FOSL2: variants seen among roughly 807,000 people sequenced by gnomAD.
The protein encoded by FOSL2 is FOS like 2, AP-1 transcription factor subunit.
A neutral mutation model predicts 27.7 loss-of-function variants in FOSL2; 3 were observed. That is an observed-to-expected ratio of 0.11 (90% confidence interval 0.05 to 0.28). FOSL2 has a LOEUF of 0.28. Among genes scored for constraint, FOSL2 ranks in the 10% least tolerant of loss-of-function variants. FOSL2 has a pLI of 1.00. For missense variants in FOSL2, 333 were observed against 445.1 expected (o/e 0.75, Z 2.27); for synonymous variants, 179 against 190.1 (o/e 0.94, Z 0.48).
At chr2:28,407,982 C>G (rs1234011336) in intron 2 of FOSL2, among the ~76,000 whole-genome samples, 3 of 152,190 alleles carry the variant, frequency 2.0e-5, no homozygotes, top group Non-Finnish European at 2.9e-5. Flanking sequence ...ATCCCAAGCC[C>G]GTAGAACTTC....
At chr2:28,406,959 A>G (rs1179040589) in intron 2 of FOSL2, among the ~76,000 whole-genome samples, 1 of 152,142 alleles carries the variant, frequency 6.6e-6, no homozygotes, top group African/African-American at 2.4e-5. Flanking sequence ...GGGTGGGTAC[A>G]TGGTGCTGCT....
At chr2:28,407,478 G>A (rs996085221) in intron 2 of FOSL2, among the ~76,000 whole-genome samples, 1 of 152,232 alleles carries the variant, frequency 6.6e-6, no homozygotes, top group Non-Finnish European at 1.5e-5. Context: ...AGGGCTAAAG[G>A]GAGCATTGTG....
intron 2 of FOSL2, among the ~76,000 whole-genome samples, chr2:28,405,054 G>A (rs1011930639): frequency 3.3e-5 from 5 of 152,116 alleles, no homozygotes; most frequent in African/African-American, 1.2e-4. Context: ...GGGGAGGGAA[G>A]CCAGAAAATG....
rs1482156403 is a variant in FOSL2, at chr2:28,404,029, G to GCCT, written c.103-77_103-76insCTC. ...GTGCTCTGTGCTGGTTTTTGCCTCA[G>GCCT]CTCTGTTCAATTATTATTAACTATC... On this transcript the variant is annotated intron_variant, in intron 1 of 3. Transcript: ENST00000264716. This position sits in a 1 kb window ranked among gnomAD's most constrained non-coding sequence, Gnocchi z 4.7. 42 of 1,552,514 alleles carry GCCT rather than the reference G, an allele frequency of 2.7e-5. No homozygotes were observed. The highest frequency in any genetic ancestry group is 4.1e-5 in the African/African-American group (3 of 73,896).
chr2:28,393,180 C>CG lies in FOSL2; in HGVS notation c.-538dup, dbSNP rs1226268849. On this transcript the variant is annotated 5_prime_UTR_variant, in exon 1 of 4. Transcript: ENST00000264716. This position sits in a 1 kb window ranked among gnomAD's most constrained non-coding sequence, Gnocchi z 4.6. The stretch of plus-strand genomic sequence containing the variant: ...CAAGTATCCGAGCCGCCCCGAAACT[C>CG]GGGCGGCGAGTCGGCCACGGGAAGT... The CG allele has an allele frequency of 3.9e-6, 1 of 253,384 alleles. No homozygotes were observed. 15.7% of individuals were successfully genotyped at this position (253,384 alleles called of 1,614,324 possible). A position where few individuals can be genotyped will look rare whatever the true frequency, so the allele number is the denominator to read the frequency against.
Position 28,408,291 on chromosome 2 carries a change from A to G in FOSL2, c.355-468A>G, listed in dbSNP as rs975452205. 6.6e-6 allele frequency among the ~76,000 whole-genome samples: 1 copy of G among 152,176 alleles called. No homozygotes were observed. Among genetic ancestry groups the G allele is most frequent in the Admixed American group, 6.5e-5 (1 of 15,274 alleles). On this transcript the variant is annotated intron_variant, in intron 2 of 3. Coordinates refer to ENST00000264716, the MANE Select transcript of FOSL2 (RefSeq NM_005253.4). This position sits in a 1 kb window ranked among gnomAD's most constrained non-coding sequence, Gnocchi z 4.1. ...CCAGCTACTTAACAAAATGGGGATA[A>G]TGAGGCTTGCAGAGCAGGCAGAGTG...
At chr2:28,406,298 G>C (rs1321014441) in intron 2 of FOSL2, among the ~76,000 whole-genome samples, 1 of 152,066 alleles carries the variant, frequency 6.6e-6, no homozygotes, top group Non-Finnish European at 1.5e-5. Context: ...CTGACCTCAG[G>C]TGATCCACCC....
rs199613963 is a variant in FOSL2, at chr2:28,404,252, G to T, written c.248G>T (p.Ser83Ile). ...CCATACCCTCGCTCGCACCCCTACAGCCCCCTGCCGGGCCTGGCCTCTGTC... is the reference window on the plus strand; with the variant it reads ...CCATACCCTCGCTCGCACCCCTACATCCCCCTGCCGGGCCTGGCCTCTGTC... ...SNPYPRSHPY[S>I]PLPGLASVPG... Residue 83 changes from serine (S) to isoleucine (I), a missense_variant, in exon 2 of 4, where the codon AGC becomes ATC. Physicochemically the swap from Ser to Ile is moderately radical, Grantham distance 142. Transcript: ENST00000264716. This position sits in a 1 kb window ranked among gnomAD's most constrained non-coding sequence, Gnocchi z 4.7. 2.5e-6 allele frequency: 4 copies of T among 1,614,118 alleles called. No individual in the cohort carries two copies. In the East Asian group the frequency reaches 6.7e-5, roughly 27 times the overall value.
Position 28,404,286 on chromosome 2 carries a change from C to A in FOSL2, c.282C>A (p.His94Gln). 6.2e-7 allele frequency: 1 copy of A among 1,614,214 alleles called. No individual in the cohort carries two copies. Among genetic ancestry groups the A allele is most frequent in the Non-Finnish European group, 8.5e-7 (1 of 1,180,042 alleles). The part of the protein sequence containing the change: ...PLPGLASVPG[H>Q]MALPRPGVIK... ...CGGGCCTGGCCTCTGTCCCTGGACA[C>A]ATGGCCCTCCCAAGACCTGGCGTGA... Residue 94 changes from histidine (H) to glutamine (Q), a missense_variant, in exon 2 of 4, where the codon CAC (histidine) becomes CAA (glutamine). This residue lies in a region of FOSL2 where 131 missense variants were observed against 157.9 expected (regional missense o/e 0.83). Coordinates refer to ENST00000264716, the MANE Select transcript of FOSL2 (RefSeq NM_005253.4). The surrounding 1 kb of genome is among the most constrained non-coding windows in gnomAD (Gnocchi z 4.7).
At chr2:28,406,352 G>A (rs1035048651) in intron 2 of FOSL2, among the ~76,000 whole-genome samples, 8 of 152,284 alleles carry the variant, frequency 5.3e-5, no homozygotes, top group South Asian at 4.1e-4. Context: ...GTGAGCCACC[G>A]CGCCCGGCCA....
chr2:28,410,625 G>A, intron 3 of FOSL2: 3 of 771,572 alleles, frequency 3.9e-6, no homozygotes, highest in Non-Finnish European at 4.7e-6. Flanking sequence ...AACGTGGGGA[G>A]GAGGCTGGTG....
chr2:28,406,947 G>T (rs148962331), intron 2 of FOSL2, among the ~76,000 whole-genome samples: 1 of 152,184 alleles, frequency 6.6e-6, no homozygotes, highest in Non-Finnish European at 1.5e-5. Flanking sequence ...TGTGTGGCTT[G>T]TGGGTGGGTA....
chr2:28,405,723 C>T (rs1045345114), intron 2 of FOSL2, among the ~76,000 whole-genome samples: 1 of 131,570 alleles, frequency 7.6e-6, no homozygotes, highest in Non-Finnish European at 1.8e-5. Flanking sequence ...CGGTGCAGAG[C>T]CACTTGGGGA....
At position 28,395,005 on chromosome 2, in the gene FOSL2, C is replaced by T. The variant is rs555245741; in HGVS notation, c.102+1183C>T. Among the ~76,000 whole-genome samples the T allele has an allele frequency of 5.3e-4, 81 of 151,636 alleles. 1 individual carries two copies. Among genetic ancestry groups the T allele is most frequent in the South Asian group, 2.7e-3 (13 of 4,816 alleles). ...TCTCTTTTGGATCTGATGGGGGGGT[C>T]CCTTGTTCCAAAGTGATTCCCTATA... On this transcript the variant is annotated intron_variant, in intron 1 of 3. Coordinates refer to ENST00000264716, the MANE Select transcript of FOSL2 (RefSeq NM_005253.4).
At position 28,412,315 on chromosome 2, in the gene FOSL2, C is replaced by T; in HGVS notation, c.848C>T (p.Thr283Ile). 6.2e-7 allele frequency: 1 copy of T among 1,614,036 alleles called. No individual in the cohort carries two copies. Among genetic ancestry groups the T allele is most frequent in the Non-Finnish European group, 8.5e-7 (1 of 1,180,012 alleles). The change falls in exon 4 of 4, where the codon ACC becomes ATC. Residue 283 changes from threonine (T) to isoleucine (I), a missense_variant. Physicochemically the swap from Thr to Ile is moderately conservative, Grantham distance 89. Around this residue, in one of 4 missense-constraint regions of FOSL2, gnomAD observed 26 missense variants for 59.3 expected, o/e 0.44. Coordinates refer to ENST00000264716, the MANE Select transcript of FOSL2 (RefSeq NM_005253.4). The surrounding 1 kb of genome is among the most constrained non-coding windows in gnomAD (Gnocchi z 7.1). ...CCGGGCACCTCGAACCTCGTCTTCA[C>T]CTATCCTAGCGTCCTGGAGCAGGAG... ...VTPGTSNLVF[T>I]YPSVLEQESP...
intron 3 of FOSL2, 44 bp from the exon 4 acceptor site, chr2:28,411,886 C>T: frequency 6.2e-7 from 1 of 1,610,958 alleles, no homozygotes; most frequent in Non-Finnish European, 8.5e-7. Context: ...TAGATTGGTC[C>T]CTGGCAGGTT....
Position 28,412,145 on chromosome 2 carries a change from G to T in FOSL2, c.678G>T (p.Leu226=). ...CTGTAGTGGTGAAACAGGAGCCCCT[G>T]GAAGAGGACAGCCCCTCGTCCTCGT... ...VGAVVVKQEP[L]EEDSPSSSSA... is the part of the protein sequence containing the mutation. Residue 226 remains leucine, a synonymous_variant, in exon 4 of 4, where the codon CTG becomes CTT. Transcript: ENST00000264716. This position sits in a 1 kb window ranked among gnomAD's most constrained non-coding sequence, Gnocchi z 7.1. The T allele has an allele frequency of 6.2e-7, 1 of 1,606,794 alleles. No individual in the cohort carries two copies. Among genetic ancestry groups the T allele is most frequent in the Non-Finnish European group, 8.5e-7 (1 of 1,176,672 alleles).
chr2:28,407,069 A>G (rs939995392), intron 2 of FOSL2, among the ~76,000 whole-genome samples: 2 of 152,184 alleles, frequency 1.3e-5, no homozygotes, highest in Admixed American at 1.3e-4. Flanking sequence ...GTCAGGGGAG[A>G]GACTTCTAGG....
rs572214482 is a variant in FOSL2 at position 28,409,275 on chromosome 2, C to T, written c.462+409C>T. On this transcript the variant is annotated intron_variant, in intron 3 of 3. Coordinates refer to ENST00000264716, the MANE Select transcript of FOSL2 (RefSeq NM_005253.4). Reference sequence around the variant, plus strand: ...AGGTTCCAGCCACTCCCATGCCTGCCGCCATCAGGAGTGGCCCAGCCTGGC... The same window carrying T: ...AGGTTCCAGCCACTCCCATGCCTGCTGCCATCAGGAGTGGCCCAGCCTGGC... Among the ~76,000 whole-genome samples the T allele has an allele frequency of 7.9e-5, 12 of 152,230 alleles. No homozygotes were observed. The South Asian group carries it at 1.7e-3, about 21-fold the overall frequency.
Sources: allele counts gnomAD v4.1 joint callset (sites outside exome capture counted in the v4.1 genomes callset), GRCh38; gene constraint gnomAD v4.1.1; regional missense constraint gnomAD v4.1.1; non-coding constraint Gnocchi (gnomAD v3.1); transcripts MANE v1.5; gene names NCBI Gene and HGNC (gene_info 2026-07-23, HGNC 2026-07-21).